TAOK1: variants seen among roughly 807,000 people sequenced by gnomAD.
TAOK1 encodes serine/threonine-protein kinase TAO1.
Under a neutral mutation model 138.3 loss-of-function variants are expected in TAOK1, and 21 were observed. The ratio of observed to expected loss-of-function variants is 0.15; its 90% confidence interval spans 0.11 to 0.22. The LOEUF is 0.22. Among genes scored for constraint, TAOK1 ranks in the 10% least tolerant of loss-of-function variants. The pLI is 1.00. For missense variants in TAOK1, 651 were observed against 1,227.7 expected (o/e 0.53, Z 7.02); for synonymous variants, 361 against 398.4 (o/e 0.91, Z 1.12).
intron 1 of TAOK1, among the ~76,000 whole-genome samples, chr17:29,447,065 G>T (rs1400958137): frequency 1.2e-4 from 17 of 145,872 alleles, no homozygotes; most frequent in Non-Finnish European, 2.1e-4. Flanking sequence ...AAGGGAAGAG[G>T]TCTCACTTTG....
chr17:29,500,697 T>C (rs941456617), intron 12 of TAOK1, among the ~76,000 whole-genome samples: 51 of 150,608 alleles, frequency 3.4e-4, no homozygotes, highest in Non-Finnish European at 6.2e-4. Context: ...GCCGAGATCA[T>C]GCCACTGCAC....
chr17:29,511,130 A>G (rs189920061), intron 15 of TAOK1, 138 bp downstream of exon 15: 5 of 638,746 alleles, frequency 7.8e-6, no homozygotes, highest in Middle Eastern at 4.6e-4. Flanking sequence ...TTAAATGATG[A>G]CATTGATTAT....
chr17:29,410,931 G>A (rs970159440), intron 1 of TAOK1, among the ~76,000 whole-genome samples: 1 of 151,752 alleles, frequency 6.6e-6, no homozygotes, highest in African/African-American at 2.4e-5. Flanking sequence ...CACTGCACTC[G>A]GCCAGCTAGT....
In TAOK1 at chr17:29,534,111, G is replaced by C. The variant is rs368590800; in HGVS notation, c.2362-7G>C. The C allele has an allele frequency of 3.7e-5, 59 of 1,576,310 alleles. No individual in the cohort carries two copies. In the African/African-American group the frequency reaches 6.6e-4, roughly 18 times the overall value. On this transcript the variant is annotated splice_polypyrimidine_tract_variant and splice_region_variant and intron_variant, in intron 18 of 19. Transcript: ENST00000261716. ...CTTTTTTTTTTCTCTCTCTCTCTCT[G>C]TCTCAGCTGCGTTTGGATGAAGCAC... is the stretch of plus-strand genomic sequence containing the variant.
At chr17:29,541,759 G>A (rs1263253687) in intron 19 of TAOK1, among the ~76,000 whole-genome samples, 2 of 151,412 alleles carry the variant, frequency 1.3e-5, no homozygotes, top group African/African-American at 2.4e-5. Context: ...CCAGGCGACA[G>A]TGCAAGACTC....
In TAOK1 at chr17:29,546,343, A is replaced by C. The variant is rs1423808950; in HGVS notation, c.*3321A>C. The C allele has an allele frequency of 2.0e-5, 3 of 152,068 alleles. No homozygotes were observed. Among genetic ancestry groups the C allele is most frequent in the African/African-American group, 4.8e-5 (2 of 41,436 alleles). The allele number at this position is 152,068 out of a possible 1,614,324, so 9.4% of individuals were successfully genotyped here. ...AAACATTCAGTACACTAAAGAAACTATCCTGGACACTCCCTCCTGCTTCCA... is the reference window on the plus strand; with the variant it reads ...AAACATTCAGTACACTAAAGAAACTCTCCTGGACACTCCCTCCTGCTTCCA... On this transcript the variant is annotated 3_prime_UTR_variant, in exon 20 of 20. Transcript: ENST00000261716.
intron 10 of TAOK1, 60 bp downstream of exon 10, chr17:29,491,925 C>A: frequency 7.5e-7 from 1 of 1,340,760 alleles, no homozygotes; most frequent in Non-Finnish European, 1.0e-6. Flanking sequence ...CACTTTGTCA[C>A]CCAGGCTGGA....
intron 2 of TAOK1, among the ~76,000 whole-genome samples, chr17:29,458,713 G>A (rs930679088): frequency 6.6e-6 from 1 of 151,434 alleles, no homozygotes; most frequent in Non-Finnish European, 1.5e-5. Flanking sequence ...TTTTTTTTGT[G>A]AGACAGAGTC....
rs777241118 is a variant in TAOK1 at position 29,480,455 on chromosome 17, C to T, written c.537C>T (p.Ala179=). The T allele has an allele frequency of 6.2e-7, 1 of 1,613,022 alleles. No homozygotes were observed. The highest frequency in any genetic ancestry group is 1.3e-5 in the African/African-American group (1 of 74,872). ...GCTCTGCTTCCATGGCATCACCTGC[C>T]AATTCCTTTGTGGGAACGCCGTATT... ...DFGSASMASP[A]NSFVGTPYWM... The change falls in exon 7 of 20, where the codon GCC becomes GCT. Residue 179 remains alanine (A), a synonymous_variant. Transcript: ENST00000261716.
intron 1 of TAOK1, among the ~76,000 whole-genome samples, chr17:29,432,226 T>C (rs1021568817): frequency 2.0e-5 from 3 of 152,168 alleles, no homozygotes; most frequent in African/African-American, 7.2e-5. Flanking sequence ...TTAACTAAAA[T>C]GGGAAACAAA....
Position 29,491,764 on chromosome 17 carries a change from G to C in TAOK1, c.750-20G>C. 1 of 1,574,266 alleles carries C rather than the reference G, an allele frequency of 6.4e-7. No homozygotes were observed. Among genetic ancestry groups the C allele is most frequent in the South Asian group, 1.1e-5 (1 of 90,228 alleles). The stretch of plus-strand genomic sequence containing the variant: ...AAAGGAAATAGCAATGTGTTCACTT[G>C]ATACTTTCCTTTACAATAGGTCTGA... On this transcript the variant is annotated intron_variant, in intron 9 of 19. Coordinates refer to ENST00000261716, the MANE Select transcript of TAOK1 (RefSeq NM_020791.4).
chr17:29,502,583 TCCTAGGAGG>T lies in TAOK1; in HGVS notation c.1204-5_1207del. ...ACATAATATTGTCTTTTTTTTTTTT[TCCTAGGAGG>T]AAGAAAATTACAGAGAAGAGGGAGA... On this transcript the variant is annotated splice_acceptor_variant and splice_polypyrimidine_tract_variant and coding_sequence_variant and intron_variant, in exon 13 of 20. Transcript: ENST00000261716. LOFTEE classifies it high-confidence loss of function. The T allele has an allele frequency of 6.2e-7, 1 of 1,602,040 alleles. No homozygotes were observed. Among genetic ancestry groups the T allele is most frequent in the Non-Finnish European group, 8.5e-7 (1 of 1,176,186 alleles).
intron 19 of TAOK1, among the ~76,000 whole-genome samples, chr17:29,538,554 G>A (rs1282339960): frequency 6.6e-6 from 1 of 152,174 alleles, no homozygotes; most frequent in Non-Finnish European, 1.5e-5. Context: ...CCTAAAAGCT[G>A]TGATTTCTGC....
At chr17:29,510,146 G>T (rs2031695885) in intron 14 of TAOK1, among the ~76,000 whole-genome samples, 1 of 151,904 alleles carries the variant, frequency 6.6e-6, no homozygotes, top group Non-Finnish European at 1.5e-5. Flanking sequence ...GGAGGCCGAG[G>T]TGGGTGGATC....
Position 29,498,390 on chromosome 17 carries a change from T to C in TAOK1, c.1072T>C (p.Ser358Pro). The change falls in exon 12 of 20, where the codon TCC (serine) becomes CCC (proline). Residue 358 changes from serine to proline, a missense_variant. By Grantham distance (74) the Ser-to-Pro change is moderately conservative. Coordinates refer to ENST00000261716, the MANE Select transcript of TAOK1 (RefSeq NM_020791.4). The stretch of plus-strand genomic sequence containing the variant: ...AAGTAATCAATCCATTCCCAGCATG[T>C]CCATCAGTGCCAGCAGCCAAAGCAG... ...VGSNQSIPSM[S>P]ISASSQSSSV... 6.2e-7 allele frequency: 1 copy of C among 1,614,206 alleles called. No homozygotes were observed. Among genetic ancestry groups the C allele is most frequent in the Non-Finnish European group, 8.5e-7 (1 of 1,180,042 alleles).
intron 10 of TAOK1, among the ~76,000 whole-genome samples, chr17:29,492,873 G>T (rs1404764683): frequency 6.6e-6 from 1 of 152,198 alleles, no homozygotes; most frequent in African/African-American, 2.4e-5. Context: ...GGGCACGGTG[G>T]CCCACGCCTG....
Position 29,473,373 on chromosome 17 carries a change from C to T in TAOK1, c.205-2297C>T, listed in dbSNP as rs138653526. Reference sequence around the variant, plus strand: ...TCTGTTGACTGGGCATGGTGGCTCACACCTGTAATCTCAGCACTTTGGGAG... The same window carrying T: ...TCTGTTGACTGGGCATGGTGGCTCATACCTGTAATCTCAGCACTTTGGGAG... On this transcript the variant is annotated intron_variant, in intron 3 of 19. Transcript: ENST00000261716. 7.3e-3 allele frequency among the ~76,000 whole-genome samples: 1,110 copies of T among 152,272 alleles called. 7 individuals carry two copies. Among genetic ancestry groups the T allele is most frequent in the Admixed American group, 0.015 (231 of 15,294 alleles).
chr17:29,462,614 T>C (rs2030556591), intron 2 of TAOK1, among the ~76,000 whole-genome samples: 1 of 152,148 alleles, frequency 6.6e-6, no homozygotes, highest in Non-Finnish European at 1.5e-5. Flanking sequence ...CCTTAGCAGG[T>C]TTGCAAGTTT....
chr17:29,454,942 A>G (rs1051032414), intron 2 of TAOK1, among the ~76,000 whole-genome samples: 1 of 151,998 alleles, frequency 6.6e-6, no homozygotes, highest in Non-Finnish European at 1.5e-5. Context: ...TTGTTGAGAC[A>G]GTCTTGCTTT....
Sources: allele counts gnomAD v4.1 joint callset (sites outside exome capture counted in the v4.1 genomes callset), GRCh38; gene constraint gnomAD v4.1.1; transcripts MANE v1.5; gene names NCBI Gene and HGNC (gene_info 2026-07-23, HGNC 2026-07-21).